The following CA10 variants were observed in gnomAD, a reference collection of about 807,000 sequenced individuals.
The protein encoded by CA10 is carbonic anhydrase-related protein 10.
A neutral mutation model predicts 44.2 loss-of-function variants in CA10; 14 were observed. That is an observed-to-expected ratio of 0.32 (90% confidence interval 0.21 to 0.50). The LOEUF (loss-of-function observed/expected upper bound fraction) is 0.50, where lower values mean the gene tolerates loss of function less well. Ranked by LOEUF, CA10 falls within the 20% of genes least tolerant of loss-of-function variation. The pLI is 0.99. For missense variants in CA10, 350 were observed against 409.7 expected (o/e 0.85, Z 1.26); for synonymous variants, 159 against 141.6 (o/e 1.12, Z -0.87).
At chr17:51,983,091 A>G (rs574562806) in intron 2 of CA10, among the ~76,000 whole-genome samples, 1 of 151,174 alleles carries the variant, frequency 6.6e-6, no homozygotes, top group Non-Finnish European at 1.5e-5. Flanking sequence ...TTTATAGGAA[A>G]TTTTTTTTTA....
At chr17:51,674,858 T>C (rs1914560239) in intron 4 of CA10, among the ~76,000 whole-genome samples, 1 of 152,344 alleles carries the variant, frequency 6.6e-6, no homozygotes, top group East Asian at 1.9e-4. Flanking sequence ...CTGTTATTCA[T>C]GTCTTCATTT....
At chr17:51,820,196 C>CGG (rs1308466549) in intron 3 of CA10, among the ~76,000 whole-genome samples, 1 of 135,386 alleles carries the variant, frequency 7.4e-6, no homozygotes, top group Non-Finnish European at 1.6e-5. Context: ...CCCCCCCCCC[C>CGG]CCAGGTAATA....
intron 3 of CA10, among the ~76,000 whole-genome samples, chr17:51,829,111 C>CA (rs1173521410): frequency 6.6e-6 from 1 of 151,898 alleles, no homozygotes; most frequent in Non-Finnish European, 1.5e-5. Context: ...AGGGATAAAA[C>CA]AAAAAAACAA....
chr17:52,040,142 TTTC>T (rs1252104662), intron 2 of CA10, among the ~76,000 whole-genome samples: 6 of 115,300 alleles, frequency 5.2e-5, no homozygotes, highest in Non-Finnish European at 9.1e-5. Flanking sequence ...CTTTCTTTTT[TTTC>T]TTTTTTTTTT....
At chr17:51,685,859 G>A (rs16950386) in intron 4 of CA10, among the ~76,000 whole-genome samples, 19,522 of 152,098 alleles carry the variant, frequency 0.13, 1,520 homozygotes, top group East Asian at 0.28. Flanking sequence ...CACCTGATAC[G>A]CCACAAAGAG....
At chr17:51,645,860 T>C (rs528165710) in intron 6 of CA10, among the ~76,000 whole-genome samples, 1 of 152,350 alleles carries the variant, frequency 6.6e-6, no homozygotes, top group African/African-American at 2.4e-5. Flanking sequence ...AGGATTTTCA[T>C]GTTGAGCTTG....
intron 1 of CA10, among the ~76,000 whole-genome samples, chr17:52,129,198 T>C (rs1355445178): frequency 6.6e-6 from 1 of 152,202 alleles, no homozygotes. Context: ...TATTAACTTC[T>C]GATATTCATC....
At chr17:52,121,287 G>A (rs1989009601) in intron 1 of CA10, among the ~76,000 whole-genome samples, 1 of 152,042 alleles carries the variant, frequency 6.6e-6, no homozygotes, top group Non-Finnish European at 1.5e-5. Flanking sequence ...TAGTTGGTTT[G>A]ACAAAATGAG....
intron 3 of CA10, among the ~76,000 whole-genome samples, chr17:51,907,423 TTTTA>T (rs1301890118): frequency 1.2e-4 from 18 of 152,122 alleles, no homozygotes; most frequent in African/African-American, 3.9e-4. Flanking sequence ...TTTCATTCTG[TTTTA>T]TTTATTAACT....
At chr17:51,871,465 C>G (rs1172084212) in intron 3 of CA10, among the ~76,000 whole-genome samples, 1 of 142,630 alleles carries the variant, frequency 7.0e-6, no homozygotes, top group Non-Finnish European at 1.5e-5. Context: ...GTCACGAACT[C>G]CTGACCTCAG....
At chr17:51,693,126 AC>A in intron 4 of CA10, among the ~76,000 whole-genome samples, 1 of 152,306 alleles carries the variant, frequency 6.6e-6, no homozygotes, top group African/African-American at 2.4e-5. Context: ...GCAGGGCTCA[AC>A]TGGTTCCAGC....
chr17:51,787,594 G>A (rs1209626705), intron 3 of CA10, among the ~76,000 whole-genome samples: 2 of 151,754 alleles, frequency 1.3e-5, no homozygotes, highest in African/African-American at 4.8e-5. Context: ...AGGCTCAAGT[G>A]ATTCTCCTGC....
chr17:51,758,657 G>C (rs1035000757), intron 3 of CA10, among the ~76,000 whole-genome samples: 1 of 151,992 alleles, frequency 6.6e-6, no homozygotes, highest in African/African-American at 2.4e-5. Flanking sequence ...TAGGTTTCCG[G>C]GGGGTGAGTC....
chr17:51,889,562 CAAAAT>C (rs1598102099), intron 3 of CA10, among the ~76,000 whole-genome samples: 1 of 151,886 alleles, frequency 6.6e-6, no homozygotes, highest in South Asian at 2.1e-4. Flanking sequence ...CCAAACAAAA[CAAAAT>C]AAAATAAAAA....
rs555797539 is a variant in CA10, at chr17:52,101,017, T to C, written c.62-28624A>G. On this transcript the variant is annotated intron_variant, in intron 1 of 8. Coordinates refer to ENST00000451037, the MANE Select transcript of CA10 (RefSeq NM_020178.5). ...GATAAGGCTTACTCTTTTTTGGTTC[T>C]AAGTCAATGTAGTTGCAAAATTCAG... 2.6e-5 allele frequency among the ~76,000 whole-genome samples: 4 copies of C among 152,350 alleles called. No individual in the cohort carries two copies. The East Asian group carries it at 7.7e-4, about 29-fold the overall frequency.
At chr17:52,087,909 T>C (rs540584715) in intron 1 of CA10, among the ~76,000 whole-genome samples, 58 of 152,292 alleles carry the variant, frequency 3.8e-4, no homozygotes, top group East Asian at 2.5e-3. Flanking sequence ...GGTGACCAAA[T>C]TGCTGCTCTA....
chr17:51,849,186 TATATATATATACATATATGTATA>T (rs1278784951), intron 3 of CA10, among the ~76,000 whole-genome samples: 20 of 26,040 alleles, frequency 7.7e-4, no homozygotes, highest in African/African-American at 5.0e-3. Flanking sequence ...CATATATGTA[TATATATATATACATATATGTATA>T]TATATATATA....
chr17:52,037,679 G>C (rs1465094891), intron 2 of CA10, among the ~76,000 whole-genome samples: 1 of 152,052 alleles, frequency 6.6e-6, no homozygotes, highest in Admixed American at 6.6e-5. Context: ...ATCCCCAGAT[G>C]ACACTAGACC....
chr17:51,780,207 A>G (rs1181616828), intron 3 of CA10, among the ~76,000 whole-genome samples: 1 of 152,238 alleles, frequency 6.6e-6, no homozygotes, highest in Admixed American at 6.5e-5. Flanking sequence ...ACTGTATTTT[A>G]GAGTGCTAAA....
Sources: allele counts gnomAD v4.1 joint callset (sites outside exome capture counted in the v4.1 genomes callset), GRCh38; gene constraint gnomAD v4.1.1; transcripts MANE v1.5; gene names NCBI Gene and HGNC (gene_info 2026-07-23, HGNC 2026-07-21).